KCNQ3: variants seen among roughly 807,000 people sequenced by gnomAD.
The protein encoded by KCNQ3 is potassium voltage-gated channel subfamily Q member 3, also known as potassium voltage-gated channel subfamily KQT member 3.
Under a neutral mutation model 92.5 loss-of-function variants are expected in KCNQ3, and 30 were observed. The observed-to-expected ratio is 0.32, with a 90% CI of 0.24 to 0.44. The LOEUF (loss-of-function observed/expected upper bound fraction) is 0.44, where lower values mean the gene tolerates loss of function less well. KCNQ3 is among the 20% of genes least tolerant of loss of function. The pLI is 1.00. For missense variants in KCNQ3, 913 were observed against 1,140.3 expected (o/e 0.80, Z 2.87); for synonymous variants, 450 against 468.8 (o/e 0.96, Z 0.52).
chr8:132,224,602 T>C (rs1183095182), intron 1 of KCNQ3, among the ~76,000 whole-genome samples: 2 of 152,178 alleles, frequency 1.3e-5, no homozygotes, highest in Admixed American at 6.5e-5. Context: ...TGCTTTCACA[T>C]TTTGCAGTAC....
chr8:132,240,421 G>A (rs1455519219), intron 1 of KCNQ3, among the ~76,000 whole-genome samples: 4 of 152,114 alleles, frequency 2.6e-5, no homozygotes, highest in Non-Finnish European at 4.4e-5. Context: ...CCTGACCTCA[G>A]GTGATCCACC....
chr8:132,478,386 G>A (rs1428565026), intron 1 of KCNQ3, among the ~76,000 whole-genome samples: 4 of 152,174 alleles, frequency 2.6e-5, no homozygotes, highest in Non-Finnish European at 4.4e-5. Context: ...CGTACTGAAC[G>A]CGATGTGCAT....
chr8:132,134,641 C>T (rs530661322), intron 12 of KCNQ3, among the ~76,000 whole-genome samples: 31 of 151,910 alleles, frequency 2.0e-4, no homozygotes, highest in African/African-American at 7.0e-4. Flanking sequence ...CCTATAACCT[C>T]GGTATATTCT....
chr8:132,168,737 G>A (rs1049824520), intron 8 of KCNQ3, among the ~76,000 whole-genome samples: 2 of 108,478 alleles, frequency 1.8e-5, no homozygotes, highest in Non-Finnish European at 4.3e-5. Context: ...GTGTGTGTGT[G>A]TGTGTGTGTG....
In KCNQ3 at chr8:132,251,315, T is replaced by C. The variant is rs184213220; in HGVS notation, c.387-65134A>G. ...TGCCCTCCAAAAAAGCTGCCTTCAT[T>C]GAACTGCAAGAAGGGGAGCAGCATA... On this transcript the variant is annotated intron_variant, in intron 1 of 14. Coordinates refer to ENST00000388996, the MANE Select transcript of KCNQ3 (RefSeq NM_004519.4). Among the ~76,000 whole-genome samples, 180 of 152,188 alleles carry C rather than the reference T, an allele frequency of 1.2e-3. 4 individuals carry two copies. Among genetic ancestry groups the C allele is most frequent in the East Asian group, 5.8e-4 (3 of 5,174 alleles).
At chr8:132,195,097 G>T (rs1827266675) in intron 1 of KCNQ3, among the ~76,000 whole-genome samples, 1 of 152,132 alleles carries the variant, frequency 6.6e-6, no homozygotes, top group Non-Finnish European at 1.5e-5. Flanking sequence ...CAAAACTGAT[G>T]TGTTCATCTT....
intron 9 of KCNQ3, among the ~76,000 whole-genome samples, chr8:132,153,538 A>C (rs945416519): frequency 6.6e-6 from 1 of 152,220 alleles, no homozygotes; most frequent in Non-Finnish European, 1.5e-5. Context: ...AGATGATAAC[A>C]GCAGTTAAAA....
At chr8:132,338,808 T>C (rs1818439176) in intron 1 of KCNQ3, among the ~76,000 whole-genome samples, 1 of 152,152 alleles carries the variant, frequency 6.6e-6, no homozygotes, top group African/African-American at 2.4e-5. Flanking sequence ...TAAGCAATGG[T>C]TCAGAAAGAA....
rs1354612104 is a variant in KCNQ3 at position 132,124,778 on chromosome 8, C to T, written c.*4484G>A. ...ACATGAAGCAAATTCCTAAGGATGCCTGGGGTTCAGGAAGCAAAGAAGAAT... is the reference window on the plus strand; with the variant it reads ...ACATGAAGCAAATTCCTAAGGATGCTTGGGGTTCAGGAAGCAAAGAAGAAT... On this transcript the variant is annotated 3_prime_UTR_variant, in exon 15 of 15. Coordinates refer to ENST00000388996, the MANE Select transcript of KCNQ3 (RefSeq NM_004519.4). 3 of 152,224 alleles carry T rather than the reference C, an allele frequency of 2.0e-5. No individual in the cohort carries two copies. Among genetic ancestry groups the T allele is most frequent in the Non-Finnish European group, 4.4e-5 (3 of 68,044 alleles). The allele number at this position is 152,224 out of a possible 1,614,324, so 9.4% of individuals were successfully genotyped here.
At chr8:132,206,337 G>T (rs972050760) in intron 1 of KCNQ3, among the ~76,000 whole-genome samples, 2 of 152,174 alleles carry the variant, frequency 1.3e-5, no homozygotes, top group African/African-American at 4.8e-5. Context: ...TGGTCACTTT[G>T]CATGTCCACT....
At chr8:132,209,471 G>A (rs1813780374) in intron 1 of KCNQ3, among the ~76,000 whole-genome samples, 1 of 151,516 alleles carries the variant, frequency 6.6e-6, no homozygotes. Context: ...GGGTTATCAG[G>A]TTCTAGGCCT....
chr8:132,187,513 C>G (rs1482541786), intron 1 of KCNQ3, among the ~76,000 whole-genome samples: 2 of 152,214 alleles, frequency 1.3e-5, no homozygotes, highest in Non-Finnish European at 2.9e-5. Context: ...GGAACCTAAA[C>G]AAGATCCCCA....
At chr8:132,130,034 T>TGAGG (rs1211363868) in intron 14 of KCNQ3, 38 bp from the exon 15 acceptor site, 1 of 1,608,008 alleles carries the variant, frequency 6.2e-7, no homozygotes, top group Non-Finnish European at 8.5e-7. Context: ...CCACTTTCTC[T>TGAGG]GAGGGTGGGG....
In KCNQ3 at chr8:132,186,197, G is replaced by T. The variant is rs1465497382; in HGVS notation, c.387-16C>A. On this transcript the variant is annotated splice_polypyrimidine_tract_variant and intron_variant, in intron 1 of 14. Transcript: ENST00000388996. ...AATCAGGAACCTAGAGGGGAAGAAA[G>T]AAATGGACTAAGGAACCTTTGAGTC... 1.3e-5 allele frequency: 20 copies of T among 1,584,556 alleles called. No individual in the cohort carries two copies. Among genetic ancestry groups the T allele is most frequent in the Non-Finnish European group, 1.6e-5 (19 of 1,153,378 alleles).
chr8:132,429,535 T>TC (rs889672147), intron 1 of KCNQ3, among the ~76,000 whole-genome samples: 1 of 152,176 alleles, frequency 6.6e-6, no homozygotes, highest in Non-Finnish European at 1.5e-5. Context: ...CGCTGTCATG[T>TC]CAATAAATAG....
intron 1 of KCNQ3, among the ~76,000 whole-genome samples, chr8:132,241,702 C>T (rs961540163): frequency 8.5e-5 from 13 of 152,126 alleles, no homozygotes; most frequent in South Asian, 6.2e-4. Context: ...GGTGTGCTGG[C>T]GGGCACTTGT....
intron 1 of KCNQ3, among the ~76,000 whole-genome samples, chr8:132,245,381 C>T (rs745638767): frequency 1.3e-4 from 20 of 152,146 alleles, no homozygotes; most frequent in Non-Finnish European, 5.9e-5. Context: ...AAGCCCTATT[C>T]AGATGTGCTC....
chr8:132,480,288 G>C lies in KCNQ3; in HGVS notation c.245C>G (p.Pro82Arg). 6.2e-7 allele frequency: 1 copy of C among 1,608,614 alleles called. No individual in the cohort carries two copies. The highest frequency in any genetic ancestry group is 8.5e-7 in the Non-Finnish European group (1 of 1,177,546). ...CTTGGCCAGGAGCCCGATGCCCTGC[G>C]GGGTCCTCCGCTGCCCCTCGTCGCG... is the stretch of plus-strand genomic sequence containing the variant. ...GGRDEGQRRT[P>R]QGIGLLAKTP... The change falls in exon 1 of 15, where the codon CCG becomes CGG. Residue 82 changes from proline (P) to arginine (R), a missense_variant. Physicochemically the swap from Pro to Arg is moderately radical, Grantham distance 103. Transcript: ENST00000388996.
At chr8:132,255,596 AT>A (rs367962092) in intron 1 of KCNQ3, among the ~76,000 whole-genome samples, 145 of 152,332 alleles carry the variant, frequency 9.5e-4, no homozygotes, top group African/African-American at 3.4e-3. Context: ...CCTTTTGATG[AT>A]TTTAAGACCC....
Sources: allele counts gnomAD v4.1 joint callset (sites outside exome capture counted in the v4.1 genomes callset), GRCh38; gene constraint gnomAD v4.1.1; transcripts MANE v1.5; gene names NCBI Gene and HGNC (gene_info 2026-07-23, HGNC 2026-07-21).